The following COL19A1 variants were observed in gnomAD, a reference collection of about 807,000 sequenced individuals.
COL19A1 encodes collagen type XIX alpha 1 chain, also known as collagen alpha-1(XIX) chain.
In COL19A1, 159 loss-of-function variants were observed where a neutral mutation model predicts 190.2. The observed-to-expected ratio is 0.84, with a 90% CI of 0.73 to 0.95. The LOEUF is 0.95. Ranked by LOEUF, COL19A1 falls within the 40% of genes least tolerant of loss-of-function variation. The probability of loss-of-function intolerance (pLI) is 0.00; values close to 1 mark genes in which losing one functional copy is unlikely to be tolerated. For synonymous variants in COL19A1, 509 were observed against 458.9 expected (o/e 1.11, Z -1.39); for missense variants, 1,418 against 1,431.9 (o/e 0.99, Z 0.16).
chr6:70,167,478 C>T (rs1425023361), intron 37 of COL19A1, among the ~76,000 whole-genome samples: 1 of 151,972 alleles, frequency 6.6e-6, no homozygotes, highest in East Asian at 1.9e-4. Flanking sequence ...TTCTTATTCT[C>T]TTTTATCCTA....
intron 48 of COL19A1, among the ~76,000 whole-genome samples, chr6:70,198,492 C>A (rs1021177627): frequency 6.6e-6 from 1 of 152,054 alleles, no homozygotes; most frequent in African/African-American, 2.4e-5. Flanking sequence ...GATAGAGCCT[C>A]CTCAGGTTTT....
At chr6:69,896,398 G>A (rs931259591) in intron 2 of COL19A1, among the ~76,000 whole-genome samples, 41 of 151,712 alleles carry the variant, frequency 2.7e-4, no homozygotes, top group East Asian at 7.7e-4. Flanking sequence ...TTAGCCGGGC[G>A]CGGTGGCGGG....
chr6:70,177,320 A>C (rs1416817998), intron 42 of COL19A1, among the ~76,000 whole-genome samples: 5 of 152,118 alleles, frequency 3.3e-5, no homozygotes, highest in African/African-American at 1.2e-4. Flanking sequence ...TATCACAAGA[A>C]TATAAGAAAG....
chr6:70,129,929 T>C (rs1052208516), intron 17 of COL19A1, among the ~76,000 whole-genome samples: 3 of 152,212 alleles, frequency 2.0e-5, no homozygotes, highest in Non-Finnish European at 2.9e-5. Flanking sequence ...GGTGTGATGT[T>C]TCTCCAGAAG....
At chr6:70,174,247 T>G (rs1246626098) in intron 41 of COL19A1, among the ~76,000 whole-genome samples, 1 of 152,170 alleles carries the variant, frequency 6.6e-6, no homozygotes, top group Non-Finnish European at 1.5e-5. Context: ...TTCATGGTCA[T>G]GAACTGAAGT....
chr6:69,880,535 A>G (rs1317173575), intron 2 of COL19A1, among the ~76,000 whole-genome samples: 3 of 152,216 alleles, frequency 2.0e-5, no homozygotes, highest in African/African-American at 7.2e-5. Flanking sequence ...AACAAGTATA[A>G]ACCCACTCTA....
chr6:69,936,020 T>C (rs569642186), intron 7 of COL19A1, among the ~76,000 whole-genome samples: 3 of 152,290 alleles, frequency 2.0e-5, no homozygotes, highest in African/African-American at 7.2e-5. Flanking sequence ...TCTCTCCTAG[T>C]GCTTTCTCTT....
chr6:70,106,032 A>T (rs902182688), intron 16 of COL19A1, among the ~76,000 whole-genome samples: 1 of 152,156 alleles, frequency 6.6e-6, no homozygotes, highest in Non-Finnish European at 1.5e-5. Flanking sequence ...TATTTTTTTA[A>T]TAACAGCATA....
At chr6:69,893,723 T>C (rs973067967) in intron 2 of COL19A1, among the ~76,000 whole-genome samples, 3 of 152,236 alleles carry the variant, frequency 2.0e-5, no homozygotes, top group African/African-American at 7.2e-5. Flanking sequence ...CTTTGTTTTC[T>C]TTCCTTTGTT....
At chr6:70,181,597 G>A (rs1487188783) in intron 44 of COL19A1, among the ~76,000 whole-genome samples, 3 of 151,670 alleles carry the variant, frequency 2.0e-5, no homozygotes, top group African/African-American at 7.3e-5. Flanking sequence ...GCTAGGCACT[G>A]TTCTAGGTGG....
chr6:70,184,993 T>C (rs1287940239), intron 46 of COL19A1, 78 bp downstream of exon 46: 2 of 1,369,772 alleles, frequency 1.5e-6, no homozygotes, highest in Non-Finnish European at 2.0e-6. Flanking sequence ...CACAATTATG[T>C]GTGTAGACCC....
At chr6:70,049,707 AAG>A (rs1306755495) in intron 14 of COL19A1, among the ~76,000 whole-genome samples, 1 of 152,074 alleles carries the variant, frequency 6.6e-6, no homozygotes, top group Non-Finnish European at 1.5e-5. Context: ...ACTTTTACAA[AAG>A]AGTTATTTTA....
chr6:70,097,901 C>T (rs1399788372), intron 15 of COL19A1, among the ~76,000 whole-genome samples: 1 of 152,182 alleles, frequency 6.6e-6, no homozygotes, highest in Non-Finnish European at 1.5e-5. Context: ...ACCAGGAAGA[C>T]TTATTCCGGC....
chr6:69,986,686 T>G (rs914300225), intron 11 of COL19A1, among the ~76,000 whole-genome samples: 11 of 152,304 alleles, frequency 7.2e-5, no homozygotes, highest in Middle Eastern at 3.4e-3. Context: ...TATACTACAA[T>G]TCCTTAAACT....
intron 48 of COL19A1, among the ~76,000 whole-genome samples, chr6:70,198,640 A>T (rs1767355497): frequency 6.6e-6 from 1 of 152,258 alleles, no homozygotes; most frequent in South Asian, 2.1e-4. Flanking sequence ...TAATGATTTT[A>T]CCAAAATTAA....
intron 11 of COL19A1, among the ~76,000 whole-genome samples, chr6:70,007,174 T>C (rs1156360943): frequency 6.6e-6 from 1 of 152,144 alleles, no homozygotes. Context: ...AGTTAATTTT[T>C]GTGTAGGGTG....
intron 11 of COL19A1, among the ~76,000 whole-genome samples, chr6:70,007,831 A>G (rs1777730630): frequency 6.6e-6 from 1 of 152,028 alleles, no homozygotes; most frequent in African/African-American, 2.4e-5. Flanking sequence ...CCATTACTAA[A>G]TGAATCACAA....
intron 14 of COL19A1, among the ~76,000 whole-genome samples, chr6:70,045,124 C>T (rs1779836943): frequency 6.6e-6 from 1 of 151,714 alleles, no homozygotes; most frequent in African/African-American, 2.4e-5. Flanking sequence ...ACCAGCCTGA[C>T]CAAAATGGAG....
chr6:70,132,511 AAATTAT>A (rs1785584440), intron 18 of COL19A1, among the ~76,000 whole-genome samples: 1 of 152,212 alleles, frequency 6.6e-6, no homozygotes. Context: ...TTAGTTTTTA[AAATTAT>A]AATGTAATTT....
Sources: allele counts gnomAD v4.1 joint callset (sites outside exome capture counted in the v4.1 genomes callset), GRCh38; gene constraint gnomAD v4.1.1; transcripts MANE v1.5; gene names NCBI Gene and HGNC (gene_info 2026-07-23, HGNC 2026-07-21).